WDR70: variants seen among roughly 807,000 people sequenced by gnomAD.
WDR70 encodes the protein WD repeat domain 70.
WDR70 carries 53 observed loss-of-function variants against 88.6 expected under a neutral mutation model. The observed-to-expected ratio is 0.60, with a 90% confidence interval of 0.48 to 0.75. The LOEUF (loss-of-function observed/expected upper bound fraction) is 0.75, where lower values mean the gene tolerates loss of function less well. Ranked by LOEUF, WDR70 falls within the 30% of genes least tolerant of loss-of-function variation. WDR70 has a pLI of 0.00. For synonymous variants in WDR70, 280 were observed against 270.0 expected, an observed-to-expected ratio of 1.04 and a Z score of -0.36; for missense variants, 610 against 823.2, an observed-to-expected ratio of 0.74 and a Z score of 3.17.
intron 9 of WDR70, among the ~76,000 whole-genome samples, chr5:37,528,295 A>G (rs1014179302): frequency 6.6e-6 from 1 of 152,246 alleles, no homozygotes; most frequent in African/African-American, 2.4e-5. Context: ...AATACTATGC[A>G]GCCATAAAAA....
chr5:37,517,860 A>G (rs1188828734), intron 9 of WDR70, among the ~76,000 whole-genome samples: 4 of 146,720 alleles, frequency 2.7e-5, no homozygotes, highest in African/African-American at 9.9e-5. Flanking sequence ...ATTATTTTTT[A>G]TTATATTATT....
In WDR70 at chr5:37,676,498, G is replaced by T. The variant is rs1190174292; in HGVS notation, c.1093-21157G>T. 7.2e-5 allele frequency among the ~76,000 whole-genome samples: 11 copies of T among 151,992 alleles called. No individual in the cohort carries two copies. The East Asian group carries it at 7.7e-4, about 11-fold the overall frequency. ...CTGCATCTATTGAGATAATCATGTG[G>T]TTTTTGTCTTTGGTTCTGTTTATAT... is the stretch of plus-strand genomic sequence containing the variant. On this transcript the variant is annotated intron_variant, in intron 10 of 17. Coordinates refer to ENST00000265107, the MANE Select transcript of WDR70 (RefSeq NM_018034.4).
chr5:37,552,897 T>TTG (rs1189332121), intron 9 of WDR70, among the ~76,000 whole-genome samples: 1 of 152,202 alleles, frequency 6.6e-6, no homozygotes, highest in Admixed American at 6.5e-5. Context: ...TCATTCTGGA[T>TTG]TGTTTCTTCA....
At chr5:37,690,163 A>G (rs910479879) in intron 10 of WDR70, among the ~76,000 whole-genome samples, 2 of 152,200 alleles carry the variant, frequency 1.3e-5, no homozygotes, top group African/African-American at 4.8e-5. Context: ...GGTTAGAGAA[A>G]AAAGAGTAAA....
At chr5:37,723,125 A>G (rs1747871960) in intron 15 of WDR70, 191 bp downstream of exon 15, 7 of 620,418 alleles carry the variant, frequency 1.1e-5, no homozygotes, top group Non-Finnish European at 1.4e-5. Flanking sequence ...TCACAGGGAC[A>G]GGGTTATTTC....
At chr5:37,697,793 T>G (rs377583946) in intron 11 of WDR70, 39 bp downstream of exon 11, 1 of 1,526,642 alleles carries the variant, frequency 6.6e-7, no homozygotes, top group Non-Finnish European at 9.1e-7. Flanking sequence ...TTTCTCTATA[T>G]AAAATAATCA....
At chr5:37,393,164 T>C (rs7736469) in intron 4 of WDR70, among the ~76,000 whole-genome samples, 19,785 of 151,984 alleles carry the variant, frequency 0.13, 4,219 homozygotes, top group African/African-American at 0.45. Context: ...GCCTCAGCCT[T>C]CTGAATAGCT....
chr5:37,526,122 A>G (rs1345666400), intron 9 of WDR70, among the ~76,000 whole-genome samples: 2 of 152,238 alleles, frequency 1.3e-5, no homozygotes, highest in African/African-American at 4.8e-5. Context: ...AATCCTCCCT[A>G]ACTCATTTTA....
rs1412479201 is a variant in WDR70 at position 37,392,111 on chromosome 5, C to T, written c.287C>T (p.Ser96Leu). Residue 96 changes from serine to leucine, a missense_variant, in exon 4 of 18, where the codon TCA becomes TTA. Physicochemically the swap from Ser to Leu is moderately radical, Grantham distance 145. This residue lies in a region of WDR70 where 203 missense variants were observed against 228.1 expected (regional missense o/e 0.89). Coordinates refer to ENST00000265107, the MANE Select transcript of WDR70 (RefSeq NM_018034.4). ...AATGTGGTCAGAGATTGCTCCAAAT[C>T]ATCTTCCAGGTGCCTGATTTTCAGA... ...RSNVVRDCSKSSSRDTSSSES... is the reference protein window; with the variant it reads ...RSNVVRDCSKLSSRDTSSSES... 1.9e-6 allele frequency: 3 copies of T among 1,608,148 alleles called. No individual in the cohort carries two copies. The East Asian group carries it at 6.7e-5, about 36-fold the overall frequency.
intron 9 of WDR70, among the ~76,000 whole-genome samples, chr5:37,569,902 A>G (rs1742851207): frequency 6.6e-6 from 1 of 152,230 alleles, no homozygotes; most frequent in South Asian, 2.1e-4. Flanking sequence ...TGAAAAATGT[A>G]TGTAGAAAGA....
At chr5:37,488,570 G>C (rs1003635194) in intron 8 of WDR70, among the ~76,000 whole-genome samples, 1 of 132,454 alleles carries the variant, frequency 7.5e-6, no homozygotes, top group African/African-American at 2.8e-5. Context: ...ATTCTTTCTT[G>C]TGCTTGATCT....
At chr5:37,716,646 A>G (rs1284838892) in intron 13 of WDR70, among the ~76,000 whole-genome samples, 1 of 152,006 alleles carries the variant, frequency 6.6e-6, no homozygotes, top group African/African-American at 2.4e-5. Flanking sequence ...ATGGGATGAG[A>G]TTATTAATTT....
intron 7 of WDR70, among the ~76,000 whole-genome samples, chr5:37,474,554 C>A (rs1561866163): frequency 6.6e-6 from 1 of 151,968 alleles, no homozygotes; most frequent in African/African-American, 2.4e-5. Flanking sequence ...TGTTATTATT[C>A]TTTTTTTTAA....
chr5:37,497,803 T>G (rs753884597), intron 8 of WDR70, among the ~76,000 whole-genome samples: 15 of 152,182 alleles, frequency 9.9e-5, no homozygotes, highest in African/African-American at 2.4e-4. Flanking sequence ...CACAGATTTT[T>G]TTTTGTTTTG....
chr5:37,721,292 A>G (rs2112695681), intron 14 of WDR70, 77 bp downstream of exon 14: 1 of 1,310,986 alleles, frequency 7.6e-7, no homozygotes, highest in South Asian at 1.2e-5. Flanking sequence ...CCCCGCTTTT[A>G]TTTATTTCCC....
At chr5:37,397,991 GAAA>G (rs5867347) in intron 5 of WDR70, among the ~76,000 whole-genome samples, 3 of 100,602 alleles carry the variant, frequency 3.0e-5, no homozygotes, top group Non-Finnish European at 5.9e-5. Flanking sequence ...TTCGGTCTCA[GAAA>G]AAAAAAAAAA....
chr5:37,392,020 G>A lies in WDR70; in HGVS notation c.196G>A (p.Glu66Lys), dbSNP rs1223589229. The A allele has an allele frequency of 1.2e-6, 2 of 1,604,368 alleles. No homozygotes were observed. Among genetic ancestry groups the A allele is most frequent in the East Asian group, 4.5e-5 (2 of 44,790 alleles). ...KTLEAREKEE[E>K]MNREKELRRQ... ...TTCAGAAGCAAGAGAAAAAGAGGAAGAAATGAACAGAGAGAAAGAATTAAG... is the reference window on the plus strand; with the variant it reads ...TTCAGAAGCAAGAGAAAAAGAGGAAAAAATGAACAGAGAGAAAGAATTAAG... Residue 66 changes from glutamate to lysine, a missense_variant, in exon 4 of 18, where the codon GAA becomes AAA. Physicochemically the swap from Glu to Lys is moderately conservative, Grantham distance 56. This residue lies in a region of WDR70 where 203 missense variants were observed against 228.1 expected (regional missense o/e 0.89). Transcript: ENST00000265107.
At chr5:37,471,063 T>C (rs1739311744) in intron 7 of WDR70, among the ~76,000 whole-genome samples, 1 of 152,126 alleles carries the variant, frequency 6.6e-6, no homozygotes, top group Non-Finnish European at 1.5e-5. Context: ...TTTGCATTTT[T>C]AGGTTTTAGG....
intron 5 of WDR70, among the ~76,000 whole-genome samples, chr5:37,411,829 T>G (rs1749535339): frequency 6.6e-6 from 1 of 152,130 alleles, no homozygotes; most frequent in Non-Finnish European, 1.5e-5. Context: ...TGTGATTAAT[T>G]TTTTTGTTTC....
Sources: gnomAD v4.1 joint callset for allele counts (sites outside exome capture counted in the v4.1 genomes callset) on GRCh38, gnomAD v4.1.1 for gene constraint, gnomAD v4.1.1 regional missense constraint, MANE v1.5 for transcripts, NCBI Gene and HGNC (gene_info 2026-07-23, HGNC 2026-07-21) for gene names.